GABBR2: variants seen among roughly 807,000 people sequenced by gnomAD.
GABBR2 encodes the protein G-protein coupled receptor 51.
Under a neutral mutation model 105.6 loss-of-function variants are expected in GABBR2, and 23 were observed. The ratio of observed to expected loss-of-function variants is 0.22; its 90% CI spans 0.16 to 0.31. The LOEUF is 0.31. Among genes scored for constraint, GABBR2 ranks in the 10% least tolerant of loss-of-function variants. GABBR2 has a pLI of 1.00. For missense variants in GABBR2, 734 were observed against 1,245.5 expected, an observed-to-expected ratio of 0.59 and a Z score of 6.18; for synonymous variants, 478 against 499.7, an observed-to-expected ratio of 0.96 and a Z score of 0.58.
At chr9:98,586,811 G>A (rs1829084113) in intron 1 of GABBR2, among the ~76,000 whole-genome samples, 1 of 152,210 alleles carries the variant, frequency 6.6e-6, no homozygotes, top group Admixed American at 6.5e-5. Context: ...ATATGCCATT[G>A]TGTGAATATG....
chr9:98,651,122 C>G (rs968337622), intron 1 of GABBR2, among the ~76,000 whole-genome samples: 11 of 149,172 alleles, frequency 7.4e-5, no homozygotes, highest in Non-Finnish European at 1.6e-4. Context: ...CACCCACACA[C>G]ACACATACAC....
At chr9:98,352,475 G>T (rs1394854808) in intron 13 of GABBR2, among the ~76,000 whole-genome samples, 2 of 152,182 alleles carry the variant, frequency 1.3e-5, no homozygotes, top group African/African-American at 2.4e-5. Flanking sequence ...AAGTGCTCAT[G>T]GATGCCAGTC....
At chr9:98,298,338 C>T (rs955865686) in intron 17 of GABBR2, among the ~76,000 whole-genome samples, 1 of 152,046 alleles carries the variant, frequency 6.6e-6, no homozygotes, top group Non-Finnish European at 1.5e-5. Context: ...ATGAAACCAC[C>T]CCCAAATAAT....
intron 12 of GABBR2, among the ~76,000 whole-genome samples, chr9:98,365,538 T>C (rs1353424906): frequency 1.5e-4 from 23 of 152,260 alleles, no homozygotes. Context: ...CCCTGGCATG[T>C]AGCCACTGTT....
intron 5 of GABBR2, among the ~76,000 whole-genome samples, chr9:98,479,250 G>A (rs1177784599): frequency 6.6e-6 from 1 of 152,116 alleles, no homozygotes; most frequent in Non-Finnish European, 1.5e-5. Context: ...GGACACCTGA[G>A]ACCCTATATA....
At chr9:98,345,652 G>T (rs1831290904) in intron 13 of GABBR2, among the ~76,000 whole-genome samples, 1 of 152,158 alleles carries the variant, frequency 6.6e-6, no homozygotes, top group South Asian at 2.1e-4. Flanking sequence ...TGGGAAGGAA[G>T]AAATAAAATT....
At chr9:98,503,863 C>T (rs1293110687) in intron 3 of GABBR2, among the ~76,000 whole-genome samples, 2 of 152,068 alleles carry the variant, frequency 1.3e-5, no homozygotes, top group African/African-American at 4.8e-5. Context: ...CTGCTGATGC[C>T]CTAACTGCCT....
chr9:98,332,596 C>T (rs754805663), intron 13 of GABBR2, among the ~76,000 whole-genome samples: 20 of 152,216 alleles, frequency 1.3e-4, no homozygotes, highest in Non-Finnish European at 2.9e-4. Flanking sequence ...CCGCACTGTT[C>T]CTCCAAAGCA....
intron 13 of GABBR2, among the ~76,000 whole-genome samples, chr9:98,353,583 G>A (rs910129594): frequency 3.9e-5 from 6 of 152,176 alleles, no homozygotes; most frequent in Non-Finnish European, 8.8e-5. Flanking sequence ...TAAATAATAA[G>A]ACTTGAAAGT....
chr9:98,611,764 C>T lies in GABBR2; in HGVS notation c.322-33692G>A, dbSNP rs145493898. Among the ~76,000 whole-genome samples the T allele has an allele frequency of 8.7e-4, 132 of 152,342 alleles. 1 individual carries two copies. The highest frequency in any genetic ancestry group is 1.5e-3 in the Non-Finnish European group (100 of 68,036). On this transcript the variant is annotated intron_variant, in intron 1 of 18. Transcript: ENST00000259455. ...CTCCCACCACCGGGTACCTTGCCCT[C>T]GTGGCTGTGGTCACACTACATCTGT... is the stretch of plus-strand genomic sequence containing the variant.
At chr9:98,417,424 C>T (rs759411455) in intron 7 of GABBR2, among the ~76,000 whole-genome samples, 5 of 152,158 alleles carry the variant, frequency 3.3e-5, no homozygotes, top group Non-Finnish European at 7.4e-5. Context: ...ACCTGCATCC[C>T]ATGGGCCAAA....
At chr9:98,531,830 G>A (rs941963521) in intron 3 of GABBR2, among the ~76,000 whole-genome samples, 2 of 152,204 alleles carry the variant, frequency 1.3e-5, no homozygotes, top group African/African-American at 2.4e-5. Flanking sequence ...TCAAGGAGAA[G>A]TCTATTGCCA....
Position 98,454,382 on chromosome 9 carries a change from T to G in GABBR2, c.1000-165A>C, listed in dbSNP as rs1826289389. Among the ~76,000 whole-genome samples, 1 of 152,096 alleles carries G rather than the reference T, an allele frequency of 6.6e-6. No homozygotes were observed. Among genetic ancestry groups the G allele is most frequent in the Non-Finnish European group, 1.5e-5 (1 of 68,006 alleles). On this transcript the variant is annotated intron_variant, in intron 6 of 18. Coordinates refer to ENST00000259455, the MANE Select transcript of GABBR2 (RefSeq NM_005458.8). The surrounding 1 kb of genome is among the most constrained non-coding windows in gnomAD (Gnocchi z 4.6). ...TAACCCTCACAACAACCTCATAAGG[T>G]GGGTACTGTTATTGTCCCCATTTTA... is the stretch of plus-strand genomic sequence containing the variant.
At chr9:98,453,915 C>T (rs1826278831) in intron 7 of GABBR2, 66 bp downstream of exon 7, 4 of 1,027,796 alleles carry the variant, frequency 3.9e-6, no homozygotes, top group Non-Finnish European at 6.1e-6. Flanking sequence ...CCTGTAACAG[C>T]CCCTCTTTTG....
intron 13 of GABBR2, among the ~76,000 whole-genome samples, chr9:98,317,470 G>T (rs542535708): frequency 1.3e-5 from 2 of 152,240 alleles, no homozygotes; most frequent in Non-Finnish European, 2.9e-5. Context: ...AGGTGTTGAG[G>T]CCTGAAAGGT....
At chr9:98,538,478 A>G (rs1446878815) in intron 3 of GABBR2, 3 of 286,566 alleles carry the variant, frequency 1.0e-5, no homozygotes, top group African/African-American at 4.5e-5. Flanking sequence ...ATGCTTGGCC[A>G]AAGTGGGCCT....
At chr9:98,561,663 G>A (rs756595703) in intron 2 of GABBR2, among the ~76,000 whole-genome samples, 1 of 152,244 alleles carries the variant, frequency 6.6e-6, no homozygotes, top group East Asian at 1.9e-4. Flanking sequence ...CAGGAGGCTC[G>A]ATTGAGCCTA....
At chr9:98,539,647 G>A (rs1250065247) in intron 3 of GABBR2, among the ~76,000 whole-genome samples, 4 of 152,186 alleles carry the variant, frequency 2.6e-5, no homozygotes, top group South Asian at 4.2e-4. Context: ...GGCCGGGCCC[G>A]GTGGCTCATG....
chr9:98,567,560 A>G (rs748246723), intron 2 of GABBR2, among the ~76,000 whole-genome samples: 3 of 152,308 alleles, frequency 2.0e-5, no homozygotes, highest in African/African-American at 4.8e-5. Flanking sequence ...ATGGAGACCT[A>G]TACATTTTCA....
Sources: allele counts gnomAD v4.1 joint callset (sites outside exome capture counted in the v4.1 genomes callset), GRCh38; gene constraint gnomAD v4.1.1; non-coding constraint Gnocchi (gnomAD v3.1); transcripts MANE v1.5; gene names NCBI Gene and HGNC (gene_info 2026-07-23, HGNC 2026-07-21).